Variants in CELF2 observed in about 807,000 individuals in gnomAD.
The protein encoded by CELF2 is CUGBP Elav-like family member 2.
CELF2 carries 8 observed loss-of-function variants against 62.6 expected under a neutral mutation model. The observed-to-expected ratio is 0.13, with a 90% confidence interval of 0.07 to 0.23. CELF2 has a LOEUF of 0.23. Ranked by LOEUF, CELF2 falls within the 10% of genes least tolerant of loss-of-function variation. The probability of loss-of-function intolerance (pLI) is 1.00; values close to 1 mark genes in which losing one functional copy is unlikely to be tolerated. For missense variants in CELF2, 333 were observed against 671.0 expected (o/e 0.50, Z 5.56); for synonymous variants, 258 against 250.0 (o/e 1.03, Z -0.30).
At chr10:10,841,237 C>G (rs1407707503) in intron 1 of CELF2, among the ~76,000 whole-genome samples, 1 of 151,728 alleles carries the variant, frequency 6.6e-6, no homozygotes, top group Non-Finnish European at 1.5e-5. Flanking sequence ...AATGGTATTT[C>G]TGGTTCTGTT....
rs574951667 is a variant in CELF2, at chr10:10,947,108, G to T, written c.89+27109G>T. On this transcript the variant is annotated intron_variant, in intron 2 of 13. Transcript: ENST00000636488. The surrounding 1 kb of genome is among the most constrained non-coding windows in gnomAD (Gnocchi z 4.1). ...TGCATGTCACAGGCAGGTCTGGAAGGCTTTGCTGTCCTTGCTGTGTGTAAG... is the reference window on the plus strand; with the variant it reads ...TGCATGTCACAGGCAGGTCTGGAAGTCTTTGCTGTCCTTGCTGTGTGTAAG... 1 of 152,380 alleles carries T rather than the reference G, an allele frequency of 6.6e-6. No homozygotes were observed. Among genetic ancestry groups the T allele is most frequent in the Admixed American group, 6.5e-5 (1 of 15,310 alleles). 9.4% of individuals were successfully genotyped at this position (152,380 alleles called of 1,614,324 possible). A position where few individuals can be genotyped will look rare whatever the true frequency, so the allele number is the denominator to read the frequency against.
At chr10:10,905,400 G>T (rs1446518262) in intron 1 of CELF2, among the ~76,000 whole-genome samples, 1 of 152,084 alleles carries the variant, frequency 6.6e-6, no homozygotes, top group East Asian at 1.9e-4. Flanking sequence ...TTAAACTTAG[G>T]TTAAATTGCC....
intron 9 of CELF2, among the ~76,000 whole-genome samples, chr10:11,294,327 C>A (rs79043285): frequency 6.6e-6 from 1 of 152,164 alleles, no homozygotes; most frequent in Admixed American, 6.5e-5. Flanking sequence ...TGCCTGCCCA[C>A]ACTGCTTACA....
the CELF2 span, among the ~76,000 whole-genome samples, chr10:10,561,096 G>A: frequency 2.6e-5 from 4 of 152,046 alleles, no homozygotes; most frequent in Non-Finnish European, 5.9e-5. Context: ...GGTGCACCAG[G>A]CTCTCACAAA....
At chr10:11,189,491 GT>G (rs921965475) in intron 2 of CELF2, among the ~76,000 whole-genome samples, 4 of 152,016 alleles carry the variant, frequency 2.6e-5, no homozygotes, top group East Asian at 1.9e-4. Flanking sequence ...CTCACTGAGG[GT>G]TTTTTTCCCC....
chr10:11,128,312 T>C (rs559360238), intron 1 of CELF2, among the ~76,000 whole-genome samples: 15 of 152,290 alleles, frequency 9.8e-5, no homozygotes, highest in African/African-American at 3.4e-4. Context: ...AGTCAGGTAG[T>C]GTGATGCCTC....
At chr10:10,610,579 G>C in the CELF2 span, among the ~76,000 whole-genome samples, 2 of 152,110 alleles carry the variant, frequency 1.3e-5, no homozygotes, top group Non-Finnish European at 2.9e-5. Context: ...TTTATCTTTA[G>C]ACAGACTTAG....
the CELF2 span, among the ~76,000 whole-genome samples, chr10:10,473,273 G>A: frequency 7.9e-5 from 12 of 151,924 alleles, no homozygotes; most frequent in Non-Finnish European, 4.4e-5. Context: ...GCAGAGACCA[G>A]AGTTACATGC....
chr10:11,040,549 G>A (rs1002100744), intron 1 of CELF2, among the ~76,000 whole-genome samples: 9 of 152,050 alleles, frequency 5.9e-5, no homozygotes, highest in African/African-American at 2.2e-4. Flanking sequence ...GTTCCTTGTT[G>A]TTCTGGTCTG....
chr10:11,242,640 G>A lies in CELF2; in HGVS notation c.355-6513G>A, dbSNP rs1033782552. Among the ~76,000 whole-genome samples, 10 of 152,182 alleles carry A rather than the reference G, an allele frequency of 6.6e-5. No homozygotes were observed. Among genetic ancestry groups the A allele is most frequent in the African/African-American group, 2.2e-4 (9 of 41,440 alleles). On this transcript the variant is annotated intron_variant, in intron 3 of 12. Transcript: ENST00000633077. This position sits in a 1 kb window ranked among gnomAD's most constrained non-coding sequence, Gnocchi z 4.8. ...TGAGAAATGGCTTTGCTCCAAAGTC[G>A]TACTCTCATTTTCATTTTCATGAGT...
intron 1 of CELF2, among the ~76,000 whole-genome samples, chr10:11,136,255 C>T (rs1439735650): frequency 1.3e-5 from 2 of 152,148 alleles, no homozygotes; most frequent in Non-Finnish European, 2.9e-5. Context: ...GAGAATATAG[C>T]ATGGTTCCTG....
Position 11,316,779 on chromosome 10 carries a change from C to T in CELF2, c.1096+2521C>T, listed in dbSNP as rs2095029857. 1.3e-5 allele frequency: 2 copies of T among 151,338 alleles called. No homozygotes were observed. The highest frequency in any genetic ancestry group is 2.1e-4 in the South Asian group (1 of 4,804). 9.4% of individuals were successfully genotyped at this position (151,338 alleles called of 1,614,324 possible). A position where few individuals can be genotyped will look rare whatever the true frequency, so the allele number is the denominator to read the frequency against. ...CTCTTTCCTGCCCAAGAGCCCAGCA[C>T]CTCTCCCAAAAAACGAAGTTTTTGG... On this transcript the variant is annotated intron_variant, in intron 10 of 12. Transcript: ENST00000633077. This position sits in a 1 kb window ranked among gnomAD's most constrained non-coding sequence, Gnocchi z 4.4.
At chr10:11,206,727 T>A (rs1408551836) in intron 2 of CELF2, among the ~76,000 whole-genome samples, 1 of 152,178 alleles carries the variant, frequency 6.6e-6, no homozygotes, top group Non-Finnish European at 1.5e-5. Context: ...CAGAGAAAAA[T>A]ATGGTTCTGC....
At chr10:10,537,449 G>A in the CELF2 span, among the ~76,000 whole-genome samples, 2 of 152,166 alleles carry the variant, frequency 1.3e-5, no homozygotes, top group Admixed American at 1.3e-4. Context: ...GGGCCCCAGG[G>A]CAGGAGCCCA....
rs1360717704 is a variant in CELF2 at position 11,334,156 on chromosome 10, A to T, written c.*5103A>T. ...AAGGTAATTAGATTTAGAAGTACTC[A>T]GTCACTTTAAGTGGATAAATGTATT... is the stretch of plus-strand genomic sequence containing the variant. On this transcript the variant is annotated 3_prime_UTR_variant, in exon 13 of 13. Coordinates refer to ENST00000633077, the MANE Select transcript of CELF2 (RefSeq NM_001326342.2). 2 of 152,682 alleles carry T rather than the reference A, an allele frequency of 1.3e-5. No homozygotes were observed. The highest frequency in any genetic ancestry group is 2.9e-5 in the Non-Finnish European group (2 of 68,050). 9.5% of individuals were successfully genotyped at this position (152,682 alleles called of 1,614,324 possible).
the CELF2 span, among the ~76,000 whole-genome samples, chr10:10,498,713 A>G: frequency 1.3e-5 from 2 of 152,340 alleles, no homozygotes; most frequent in South Asian, 2.1e-4. Context: ...TAACAAGCCA[A>G]GCAAGTGTGT....
intron 3 of CELF2, among the ~76,000 whole-genome samples, chr10:11,248,806 A>G (rs1379406517): frequency 6.6e-6 from 1 of 152,242 alleles, no homozygotes; most frequent in East Asian, 1.9e-4. Context: ...AAGTTGAGAC[A>G]CTTGCTCGAG....
At chr10:10,611,633 C>T in the CELF2 span, among the ~76,000 whole-genome samples, 1 of 152,198 alleles carries the variant, frequency 6.6e-6, no homozygotes, top group Non-Finnish European at 1.5e-5. Flanking sequence ...AATGTCATCT[C>T]TGTCCTTGTC....
At position 10,926,518 on chromosome 10, in the gene CELF2, CA is replaced by C. The variant is rs1452853653; in HGVS notation, c.89+6520del. 2.0e-5 allele frequency among the ~76,000 whole-genome samples: 3 copies of C among 152,218 alleles called. No homozygotes were observed. The East Asian group carries it at 5.8e-4, about 29-fold the overall frequency. ...CTCAGTCTGTGTGATTCTGTTATAA[CA>C]GCACAAAACGGACTACAGCCAGCAC... On this transcript the variant is annotated intron_variant, in intron 2 of 13. Coordinates refer to the CELF2 transcript ENST00000636488.
Sources: allele counts gnomAD v4.1 joint callset (sites outside exome capture counted in the v4.1 genomes callset), GRCh38; gene constraint gnomAD v4.1.1; non-coding constraint Gnocchi (gnomAD v3.1); transcripts MANE v1.5; gene names NCBI Gene and HGNC (gene_info 2026-07-23, HGNC 2026-07-21).